CACNA2D3: variants seen among roughly 807,000 people sequenced by gnomAD.
The protein encoded by CACNA2D3 is voltage-dependent calcium channel subunit alpha-2/delta-3.
Under a neutral mutation model 160.6 loss-of-function variants are expected in CACNA2D3, and 60 were observed. That is an observed-to-expected ratio of 0.37 (90% CI 0.30 to 0.46). CACNA2D3 has a LOEUF of 0.46. CACNA2D3 is among the 20% of genes least tolerant of loss of function. The pLI, the probability that CACNA2D3 is intolerant of heterozygous loss-of-function variation, is 1.00. For missense variants in CACNA2D3, 1,205 were observed against 1,365.0 expected (o/e 0.88, Z 1.85); for synonymous variants, 558 against 492.9 (o/e 1.13, Z -1.75).
chr3:54,181,884 G>C (rs544388749), intron 2 of CACNA2D3, among the ~76,000 whole-genome samples: 22 of 152,034 alleles, frequency 1.4e-4, no homozygotes, highest in Non-Finnish European at 2.9e-4. Flanking sequence ...GGGTGTCCTG[G>C]GAGAGCCTGA....
chr3:54,409,134 A>G (rs1699624105), intron 4 of CACNA2D3, among the ~76,000 whole-genome samples: 1 of 152,210 alleles, frequency 6.6e-6, no homozygotes, highest in South Asian at 2.1e-4. Context: ...AAAGCTTTAT[A>G]GCAACCCTGA....
At chr3:54,137,590 G>A (rs577313269) in intron 2 of CACNA2D3, among the ~76,000 whole-genome samples, 8 of 152,268 alleles carry the variant, frequency 5.3e-5, no homozygotes, top group South Asian at 2.1e-4. Context: ...TTCTTAAACC[G>A]TGGCTTACAG....
chr3:54,391,885 G>C (rs1218331593), intron 4 of CACNA2D3, among the ~76,000 whole-genome samples: 1 of 152,052 alleles, frequency 6.6e-6, no homozygotes, highest in African/African-American at 2.4e-5. Flanking sequence ...GTGGCCTGTG[G>C]GTTCTAGATT....
At chr3:54,668,580 G>A (rs550012290) in intron 11 of CACNA2D3, among the ~76,000 whole-genome samples, 12 of 150,474 alleles carry the variant, frequency 8.0e-5, no homozygotes, top group African/African-American at 2.7e-4. Flanking sequence ...GCTTTGTATC[G>A]GGGAGTTCTT....
rs537451941 is a variant in CACNA2D3, at chr3:54,215,055, C to G, written c.204+91461C>G. On this transcript the variant is annotated intron_variant, in intron 2 of 37. Coordinates refer to ENST00000474759, the MANE Select transcript of CACNA2D3 (RefSeq NM_018398.3). ...GCTGTGACATCATCCTGTCCCCTCCCAGGCCCTATTGTCCACACTCTCCAA... is the reference window on the plus strand; with the variant it reads ...GCTGTGACATCATCCTGTCCCCTCCGAGGCCCTATTGTCCACACTCTCCAA... Among the ~76,000 whole-genome samples the G allele has an allele frequency of 5.0e-4, 76 of 152,322 alleles. 2 individuals are homozygous for G. The highest frequency in any genetic ancestry group is 1.9e-4 in the Non-Finnish European group (13 of 68,030).
chr3:55,002,718 C>T (rs1212558201), intron 31 of CACNA2D3, among the ~76,000 whole-genome samples: 1 of 152,212 alleles, frequency 6.6e-6, no homozygotes, highest in Non-Finnish European at 1.5e-5. Context: ...TGAGGACTGG[C>T]TACGTGACCA....
intron 2 of CACNA2D3, among the ~76,000 whole-genome samples, chr3:54,174,771 C>T (rs200963100): frequency 1.2e-4 from 18 of 152,198 alleles, no homozygotes; most frequent in Non-Finnish European, 2.2e-4. Flanking sequence ...GTGATCCACC[C>T]GCCTTGGCCT....
chr3:54,586,262 C>CAAAAAAAAAAA (rs34992866), intron 9 of CACNA2D3, among the ~76,000 whole-genome samples: 11 of 101,304 alleles, frequency 1.1e-4, no homozygotes, highest in Non-Finnish European at 1.7e-4. Flanking sequence ...AGATCCATCT[C>CAAAAAAAAAAA]AAAAAAAAAA....
At chr3:54,749,810 T>C (rs1037717857) in intron 11 of CACNA2D3, among the ~76,000 whole-genome samples, 12 of 152,166 alleles carry the variant, frequency 7.9e-5, no homozygotes, top group African/African-American at 2.7e-4. Context: ...TCAGTGGAAA[T>C]ATTGAACATT....
chr3:54,963,314 ATCCTTAAGGAGTGCTAGGG>A (rs1489686885), intron 27 of CACNA2D3, among the ~76,000 whole-genome samples: 2 of 151,988 alleles, frequency 1.3e-5, no homozygotes, highest in Middle Eastern at 3.2e-3. Flanking sequence ...TGTACCTTCC[ATCCTTAAGGAGTGCTAGGG>A]TCCATTTCTT....
At chr3:55,052,273 A>G (rs1354778388) in intron 35 of CACNA2D3, among the ~76,000 whole-genome samples, 2 of 152,068 alleles carry the variant, frequency 1.3e-5, no homozygotes, top group African/African-American at 2.4e-5. Flanking sequence ...TTGGAGTTCT[A>G]TTTTATTATG....
chr3:54,372,470 C>T (rs1374549877), intron 3 of CACNA2D3, among the ~76,000 whole-genome samples: 1 of 152,050 alleles, frequency 6.6e-6, no homozygotes, highest in African/African-American at 2.4e-5. Context: ...ACATTATGAG[C>T]CCCTAGAACC....
chr3:54,189,501 C>T (rs1030016665), intron 2 of CACNA2D3, among the ~76,000 whole-genome samples: 2 of 152,114 alleles, frequency 1.3e-5, no homozygotes, highest in Non-Finnish European at 1.5e-5. Flanking sequence ...CTTCCATGTC[C>T]TTTGAGATCT....
intron 3 of CACNA2D3, among the ~76,000 whole-genome samples, chr3:54,327,126 G>T (rs146942725): frequency 2.0e-5 from 3 of 152,306 alleles, no homozygotes; most frequent in African/African-American, 7.2e-5. Context: ...GAACTGCGTG[G>T]TCCTCGTGGG....
At chr3:54,459,060 A>T (rs529137728) in intron 4 of CACNA2D3, among the ~76,000 whole-genome samples, 1 of 152,188 alleles carries the variant, frequency 6.6e-6, no homozygotes, top group African/African-American at 2.4e-5. Context: ...ACTGAGAATG[A>T]TGATTTCCAA....
At chr3:54,233,478 G>C (rs1223678413) in intron 2 of CACNA2D3, among the ~76,000 whole-genome samples, 2 of 152,210 alleles carry the variant, frequency 1.3e-5, no homozygotes, top group Non-Finnish European at 2.9e-5. Flanking sequence ...ACCATAAGTG[G>C]ATGCGTCCGA....
Position 54,958,608 on chromosome 3 carries a change from C to T in CACNA2D3, c.2450-9842C>T, listed in dbSNP as rs115080187. On this transcript the variant is annotated intron_variant, in intron 27 of 37. Transcript: ENST00000474759. ...GCAATAGTTATTATCTTTCTGAGCA[C>T]GAATTTTCTGGAACTAATAGCAAAG... Among the ~76,000 whole-genome samples the T allele has an allele frequency of 1.1e-3, 167 of 152,194 alleles. 1 individual carries two copies. Among genetic ancestry groups the T allele is most frequent in the African/African-American group, 3.8e-3 (158 of 41,522 alleles).
At chr3:54,895,693 T>C (rs1343610783) in intron 25 of CACNA2D3, among the ~76,000 whole-genome samples, 3 of 152,200 alleles carry the variant, frequency 2.0e-5, no homozygotes, top group African/African-American at 7.2e-5. Flanking sequence ...TGTTGTCCCT[T>C]GATTGGTCTC....
intron 4 of CACNA2D3, among the ~76,000 whole-genome samples, chr3:54,468,260 A>AGTGG (rs1700663964): frequency 6.6e-6 from 1 of 152,188 alleles, no homozygotes; most frequent in East Asian, 1.9e-4. Flanking sequence ...CTGGTTGGAC[A>AGTGG]GTGGGTGCAG....
Sources: gnomAD v4.1 joint callset for allele counts (sites outside exome capture counted in the v4.1 genomes callset) on GRCh38, gnomAD v4.1.1 for gene constraint, MANE v1.5 for transcripts, NCBI Gene and HGNC (gene_info 2026-07-23, HGNC 2026-07-21) for gene names.